Variants in RAB2A observed in about 807,000 individuals in gnomAD.
The protein encoded by RAB2A is ras-related protein Rab-2A.
In RAB2A, 7 loss-of-function variants were observed where a neutral mutation model predicts 32.5. That is an observed-to-expected ratio of 0.22 (90% CI 0.12 to 0.40). The LOEUF (loss-of-function observed/expected upper bound fraction) is 0.40, where lower values mean the gene tolerates loss of function less well. RAB2A is among the 10% of genes least tolerant of loss of function. The pLI is 1.00. For missense variants in RAB2A, 108 were observed against 260.7 expected, an observed-to-expected ratio of 0.41 and a Z score of 4.03; for synonymous variants, 79 against 85.2, an observed-to-expected ratio of 0.93 and a Z score of 0.40.
At chr8:60,613,060 T>C (rs895548851) in intron 6 of RAB2A, among the ~76,000 whole-genome samples, 1 of 152,240 alleles carries the variant, frequency 6.6e-6, no homozygotes, top group African/African-American at 2.4e-5. Flanking sequence ...TTCACAGGAC[T>C]CTCCTATCTT....
chr8:60,560,139 AGGTGCGGT>A, intron 2 of RAB2A, among the ~76,000 whole-genome samples: 1 of 152,238 alleles, frequency 6.6e-6, no homozygotes, highest in African/African-American at 2.4e-5. Context: ...GACTAGAGTG[AGGTGCGGT>A]GGTGCAATCA....
At chr8:60,570,372 A>G (rs1808180168) in intron 2 of RAB2A, among the ~76,000 whole-genome samples, 1 of 152,150 alleles carries the variant, frequency 6.6e-6, no homozygotes, top group Admixed American at 6.5e-5. Flanking sequence ...TACCTCGCTG[A>G]CATGTAGAAT....
At chr8:60,613,588 G>C (rs1702163120) in intron 6 of RAB2A, among the ~76,000 whole-genome samples, 7 of 152,152 alleles carry the variant, frequency 4.6e-5, no homozygotes, top group Admixed American at 4.6e-4. Context: ...GGTAAGAAGT[G>C]GTACTGGGGT....
At position 60,620,808 on chromosome 8, in the gene RAB2A, C is replaced by G; in HGVS notation, c.*39C>G. 6.5e-7 allele frequency: 1 copy of G among 1,548,128 alleles called. No individual in the cohort carries two copies. Among genetic ancestry groups the G allele is most frequent in the Non-Finnish European group, 8.8e-7 (1 of 1,140,914 alleles). On this transcript the variant is annotated 3_prime_UTR_variant, in exon 8 of 8. Coordinates refer to ENST00000262646, the MANE Select transcript of RAB2A (RefSeq NM_002865.3). Reference sequence around the variant, plus strand: ...GTCTAGCTGCCCAACGGGGCCTACTCACTTATTCTTTCACCCCCTCTCCTC... The same window carrying G: ...GTCTAGCTGCCCAACGGGGCCTACTGACTTATTCTTTCACCCCCTCTCCTC...
intron 1 of RAB2A, among the ~76,000 whole-genome samples, chr8:60,537,263 C>G (rs937055137): frequency 1.3e-5 from 2 of 152,012 alleles, no homozygotes; most frequent in African/African-American, 4.8e-5. Flanking sequence ...CTCTTGTTGC[C>G]TGGGCTGGAG....
intron 2 of RAB2A, among the ~76,000 whole-genome samples, chr8:60,568,448 A>G (rs1279912292): frequency 6.6e-6 from 1 of 152,248 alleles, no homozygotes; most frequent in East Asian, 1.9e-4. Context: ...TACCTAACAT[A>G]TTAAATACTA....
At chr8:60,564,171 C>T (rs1410101754) in intron 2 of RAB2A, among the ~76,000 whole-genome samples, 1 of 152,168 alleles carries the variant, frequency 6.6e-6, no homozygotes, top group Admixed American at 6.5e-5. Context: ...TCTTTACTCT[C>T]AGCTGATAAC....
chr8:60,589,599 T>C (rs943254730), intron 5 of RAB2A, among the ~76,000 whole-genome samples: 1 of 152,142 alleles, frequency 6.6e-6, no homozygotes, highest in African/African-American at 2.4e-5. Context: ...GTGTAAGGGT[T>C]GTAATGCAAA....
intron 1 of RAB2A, among the ~76,000 whole-genome samples, chr8:60,522,799 C>T (rs1326418195): frequency 6.6e-6 from 1 of 151,984 alleles, no homozygotes; most frequent in African/African-American, 2.4e-5. Context: ...AAGACCTCTT[C>T]CTGTGGGAGA....
chr8:60,546,448 T>G (rs1004379688), intron 1 of RAB2A, among the ~76,000 whole-genome samples: 4 of 152,052 alleles, frequency 2.6e-5, no homozygotes, highest in African/African-American at 9.7e-5. Flanking sequence ...GAAAAACGAG[T>G]TGCTAGATCT....
chr8:60,591,937 A>G lies in RAB2A; in HGVS notation c.442A>G (p.Thr148Ala). The change falls in exon 6 of 8, where the codon ACG (threonine) becomes GCG (alanine). Residue 148 changes from threonine (T) to alanine (A), a missense_variant. By Grantham distance (58) the Thr-to-Ala change is moderately conservative (BLOSUM62 0). Coordinates refer to ENST00000262646, the MANE Select transcript of RAB2A (RefSeq NM_002865.3). Reference protein sequence around the residue: ...AREHGLIFMETSAKTASNVEE... With the variant: ...AREHGLIFMEASAKTASNVEE... ...AGAACATGGACTCATCTTCATGGAA[A>G]CGTCTGCTAAGACTGCTTCCAATGT... 3 of 1,612,474 alleles carry G rather than the reference A, an allele frequency of 1.9e-6. No homozygotes were observed. The highest frequency in any genetic ancestry group is 2.5e-6 in the Non-Finnish European group (3 of 1,178,838).
At chr8:60,527,300 A>T (rs1169407104) in intron 1 of RAB2A, among the ~76,000 whole-genome samples, 1 of 152,230 alleles carries the variant, frequency 6.6e-6, no homozygotes, top group African/African-American at 2.4e-5. Flanking sequence ...TTACAATTTG[A>T]TGTGAGATTT....
At chr8:60,597,490 G>A (rs1221288928) in intron 6 of RAB2A, among the ~76,000 whole-genome samples, 1 of 152,110 alleles carries the variant, frequency 6.6e-6, no homozygotes, top group Non-Finnish European at 1.5e-5. Context: ...AATACCTAAT[G>A]TGGATGATGG....
At chr8:60,573,252 A>T (rs2130841217) in intron 3 of RAB2A, among the ~76,000 whole-genome samples, 1 of 152,346 alleles carries the variant, frequency 6.6e-6, no homozygotes, top group East Asian at 1.9e-4. Flanking sequence ...ATATTCTCTA[A>T]ACCAGCAAAT....
In RAB2A at chr8:60,553,532, T is replaced by C. The variant is rs148268986; in HGVS notation, c.47-5320T>C. On this transcript the variant is annotated intron_variant, in intron 1 of 7. Transcript: ENST00000262646. Reference sequence around the variant, plus strand: ...AATGCATATATACTAAGTGTATAGCTCAAATAATTGTTATAAACTGGACAC... The same window carrying C: ...AATGCATATATACTAAGTGTATAGCCCAAATAATTGTTATAAACTGGACAC... Among the ~76,000 whole-genome samples, 661 of 152,344 alleles carry C rather than the reference T, an allele frequency of 4.3e-3. 4 individuals are homozygous for C. Among genetic ancestry groups the C allele is most frequent in the African/African-American group, 0.015 (620 of 41,574 alleles).
intron 2 of RAB2A, among the ~76,000 whole-genome samples, chr8:60,571,662 T>G (rs1394778881): frequency 6.6e-6 from 1 of 152,184 alleles, no homozygotes; most frequent in Non-Finnish European, 1.5e-5. Flanking sequence ...TATCTATCCC[T>G]TTTAGTGTTT....
In RAB2A at chr8:60,517,933, G is replaced by T. The variant is rs191977414; in HGVS notation, c.46+680G>T. ...GCATGAACGAGTTCTGTGGACTTTT[G>T]CCACGTGTGAACTGGGGTTATATAG... On this transcript the variant is annotated intron_variant, in intron 1 of 7. Transcript: ENST00000262646. Among the ~76,000 whole-genome samples, 11 of 152,154 alleles carry T rather than the reference G, an allele frequency of 7.2e-5. No homozygotes were observed. In the East Asian group the frequency reaches 2.1e-3, roughly 29 times the overall value.
At chr8:60,564,917 G>C (rs1808081117) in intron 2 of RAB2A, among the ~76,000 whole-genome samples, 1 of 152,196 alleles carries the variant, frequency 6.6e-6, no homozygotes, top group South Asian at 2.1e-4. Flanking sequence ...TCATAAAGCT[G>C]TACTTGCCAT....
rs201044123 is a variant in RAB2A at position 60,529,095 on chromosome 8, TTTTC to T, written c.46+11846_46+11849del. Among the ~76,000 whole-genome samples, 14 of 152,316 alleles carry T rather than the reference TTTTC, an allele frequency of 9.2e-5. No homozygotes were observed. The East Asian group carries it at 2.7e-3, about 29-fold the overall frequency. On this transcript the variant is annotated intron_variant, in intron 1 of 7. Coordinates refer to ENST00000262646, the MANE Select transcript of RAB2A (RefSeq NM_002865.3). Reference sequence around the variant, plus strand: ...GACCCATTAAGCATGTTTCTTTTTTTTTTCTTTGTCTTTTTCTTCTTTTTTAAAA... The same window carrying T: ...GACCCATTAAGCATGTTTCTTTTTTTTTTGTCTTTTTCTTCTTTTTTAAAA...
Sources: allele counts gnomAD v4.1 joint callset (sites outside exome capture counted in the v4.1 genomes callset), GRCh38; gene constraint gnomAD v4.1.1; transcripts MANE v1.5; gene names NCBI Gene and HGNC (gene_info 2026-07-23, HGNC 2026-07-21).